MTUS2: variants seen among roughly 807,000 people sequenced by gnomAD.
MTUS2 encodes the protein microtubule associated scaffold protein 2.
MTUS2 carries 40 observed loss-of-function variants against 114.1 expected under a neutral mutation model. That is an observed-to-expected ratio of 0.35 (90% CI 0.27 to 0.46). MTUS2 has a LOEUF of 0.46. Among genes scored for constraint, MTUS2 ranks in the 20% least tolerant of loss-of-function variants. The probability of loss-of-function intolerance (pLI) is 1.00; values close to 1 mark genes in which losing one functional copy is unlikely to be tolerated. For synonymous variants in MTUS2, 688 were observed against 672.0 expected (o/e 1.02, Z -0.37); for missense variants, 1,679 against 1,705.4 (o/e 0.98, Z 0.27).
chr13:29,149,474 T>G (rs1449294361), intron 5 of MTUS2, among the ~76,000 whole-genome samples: 4 of 152,196 alleles, frequency 2.6e-5, no homozygotes, highest in African/African-American at 9.6e-5. Flanking sequence ...TTCTATAGGT[T>G]GCTTGTTCAC....
chr13:29,030,659 G>C (rs1005073790), intron 3 of MTUS2, among the ~76,000 whole-genome samples: 1 of 152,148 alleles, frequency 6.6e-6, no homozygotes, highest in Non-Finnish European at 1.5e-5. Context: ...CTGCAGTCTG[G>C]TCTCTAGGAA....
At chr13:29,221,258 TGGGTCATA>T (rs1895896904) in intron 5 of MTUS2, among the ~76,000 whole-genome samples, 1 of 152,256 alleles carries the variant, frequency 6.6e-6, no homozygotes, top group African/African-American at 2.4e-5. Context: ...GTAGAATTCC[TGGGTCATA>T]GGGTTAGTAT....
At chr13:29,421,286 A>G (rs1876089861) in intron 8 of MTUS2, among the ~76,000 whole-genome samples, 1 of 152,208 alleles carries the variant, frequency 6.6e-6, no homozygotes, top group Non-Finnish European at 1.5e-5. Flanking sequence ...GCTAAGATCC[A>G]GCCCTAGAGA....
At chr13:29,247,407 A>T (rs1266727940) in intron 5 of MTUS2, among the ~76,000 whole-genome samples, 2 of 152,168 alleles carry the variant, frequency 1.3e-5, no homozygotes, top group Non-Finnish European at 2.9e-5. Flanking sequence ...AGATAAATAG[A>T]TGGGACTTAA....
chr13:29,027,697 G>A (rs961017238), intron 3 of MTUS2, among the ~76,000 whole-genome samples: 11 of 152,070 alleles, frequency 7.2e-5, no homozygotes, highest in Non-Finnish European at 1.6e-4. Context: ...GACTACAGGC[G>A]CCCGCCACCG....
chr13:29,334,216 A>G (rs1323374142), intron 7 of MTUS2, among the ~76,000 whole-genome samples: 1 of 152,060 alleles, frequency 6.6e-6, no homozygotes, highest in South Asian at 2.1e-4. Context: ...TTTAAGGTTA[A>G]TATTATTATG....
At position 29,029,690 on chromosome 13, in the gene MTUS2, G is replaced by A. The variant is rs139973582; in HGVS notation, c.2205+2787G>A. On this transcript the variant is annotated intron_variant, in intron 3 of 15. Transcript: ENST00000612955. Reference sequence around the variant, plus strand: ...GGCACCAGCATCTGCCTATGGTGAGGCCTCAGGCTGCTTCCACTCAAGGGG... The same window carrying A: ...GGCACCAGCATCTGCCTATGGTGAGACCTCAGGCTGCTTCCACTCAAGGGG... 2.3e-3 allele frequency among the ~76,000 whole-genome samples: 351 copies of A among 152,312 alleles called. 2 individuals are homozygous for A. Among genetic ancestry groups the A allele is most frequent in the Non-Finnish European group, 3.4e-3 (230 of 68,004 alleles).
intron 10 of MTUS2, among the ~76,000 whole-genome samples, chr13:29,481,064 C>T (rs577059506): frequency 2.2e-4 from 34 of 152,316 alleles, no homozygotes; most frequent in Non-Finnish European, 3.4e-4. Context: ...CTGTCAGCCA[C>T]TAAGTTAGAA....
chr13:29,085,226 A>G (rs1889637616), intron 4 of MTUS2, among the ~76,000 whole-genome samples: 1 of 152,248 alleles, frequency 6.6e-6, no homozygotes, highest in South Asian at 2.1e-4. Context: ...TAGAAGAACC[A>G]TGAGCAAAAG....
At chr13:28,950,567 A>G (rs1275603537) in intron 2 of MTUS2, among the ~76,000 whole-genome samples, 3 of 152,180 alleles carry the variant, frequency 2.0e-5, no homozygotes, top group Non-Finnish European at 2.9e-5. Flanking sequence ...TTAGCCTTAC[A>G]TTTAGGTCTA....
chr13:29,449,146 T>C (rs946347913), intron 9 of MTUS2, among the ~76,000 whole-genome samples: 1 of 152,142 alleles, frequency 6.6e-6, no homozygotes, highest in Non-Finnish European at 1.5e-5. Flanking sequence ...TATTGAACTA[T>C]AGCAAAACAA....
chr13:29,492,288 GTA>G (rs1201989960), intron 11 of MTUS2, among the ~76,000 whole-genome samples: 11 of 150,778 alleles, frequency 7.3e-5, no homozygotes, highest in African/African-American at 2.7e-4. Flanking sequence ...CATGTGGTGT[GTA>G]TGTGATGTGT....
At chr13:29,430,641 G>C (rs2138638545) in intron 8 of MTUS2, among the ~76,000 whole-genome samples, 1 of 152,196 alleles carries the variant, frequency 6.6e-6, no homozygotes, top group South Asian at 2.1e-4. Flanking sequence ...TATTTTCACA[G>C]GTGCTCTTTT....
intron 5 of MTUS2, among the ~76,000 whole-genome samples, chr13:29,121,761 A>G (rs1026909562): frequency 1.1e-4 from 17 of 151,994 alleles, no homozygotes; most frequent in African/African-American, 7.3e-5. Context: ...GCTTCAAGCA[A>G]TTCTCCTGCC....
rs1268084329 is a variant in MTUS2, at chr13:29,043,765, G to T, written c.2446+9640G>T. 1.0e-4 allele frequency among the ~76,000 whole-genome samples: 10 copies of T among 99,432 alleles called. No homozygotes were observed. The East Asian group carries it at 1.9e-3, about 18-fold the overall frequency. The allele number at this position is 99,432 out of a possible 152,430, so 65.2% of individuals were successfully genotyped here. A position where few individuals can be genotyped will look rare whatever the true frequency, so the allele number is the denominator to read the frequency against. ...GTTTCTCTAGACTTTAAACAATAAA[G>T]TCTGATTGTTTAAAGTCTGATAGAC... On this transcript the variant is annotated intron_variant, in intron 4 of 15. Coordinates refer to ENST00000612955, the MANE Select transcript of MTUS2 (RefSeq NM_001033602.4).
intron 8 of MTUS2, among the ~76,000 whole-genome samples, chr13:29,434,028 C>T (rs991273021): frequency 2.6e-5 from 4 of 152,058 alleles, no homozygotes; most frequent in African/African-American, 9.7e-5. Context: ...TCCTGATCCA[C>T]ACGGATTTCA....
chr13:29,025,249 T>C lies in MTUS2; in HGVS notation c.551T>C (p.Val184Ala), dbSNP rs747228519. ...RHSLERASSS[V>A]AAVGSLTPQH... ...TCTTTGGAAAGAGCAAGCAGCTCTG[T>C]AGCTGCAGTCGGGAGCCTGACTCCG... The change falls in exon 3 of 16, where the codon GTA becomes GCA. Residue 184 changes from valine to alanine, a missense_variant. Coordinates refer to ENST00000612955, the MANE Select transcript of MTUS2 (RefSeq NM_001033602.4). The C allele has an allele frequency of 3.7e-6, 6 of 1,613,988 alleles. No homozygotes were observed. In the Admixed American group the frequency reaches 1.0e-4, roughly 27 times the overall value.
chr13:29,282,774 GT>G (rs1376530380), intron 6 of MTUS2, among the ~76,000 whole-genome samples: 1 of 152,036 alleles, frequency 6.6e-6, no homozygotes, highest in East Asian at 1.9e-4. Context: ...AAACATACGG[GT>G]TTTATAGGTA....
chr13:29,308,400 TAACTC>T (rs1899584579), intron 6 of MTUS2, among the ~76,000 whole-genome samples: 1 of 152,170 alleles, frequency 6.6e-6, no homozygotes, highest in South Asian at 2.1e-4. Context: ...TATACAATAT[TAACTC>T]AAGATGGATT....
Sources: allele counts gnomAD v4.1 joint callset (sites outside exome capture counted in the v4.1 genomes callset), GRCh38; gene constraint gnomAD v4.1.1; transcripts MANE v1.5; gene names NCBI Gene and HGNC (gene_info 2026-07-23, HGNC 2026-07-21).